The following GPC6 variants were observed in gnomAD, a reference collection of about 807,000 sequenced individuals.
GPC6 encodes the protein glypican-6.
A neutral mutation model predicts 55.2 loss-of-function variants in GPC6; 14 were observed. The ratio of observed to expected loss-of-function variants is 0.25; its 90% confidence interval spans 0.17 to 0.40. The LOEUF (loss-of-function observed/expected upper bound fraction) is 0.40. Among genes scored for constraint, GPC6 ranks in the 10% least tolerant of loss-of-function variants. The pLI is 1.00. For synonymous variants in GPC6, 278 were observed against 259.6 expected, an observed-to-expected ratio of 1.07 and a Z score of -0.68; for missense variants, 641 against 708.5, an observed-to-expected ratio of 0.90 and a Z score of 1.08.
At chr13:93,344,406 A>G (rs1880364674) in intron 1 of GPC6, among the ~76,000 whole-genome samples, 2 of 152,080 alleles carry the variant, frequency 1.3e-5, no homozygotes, top group South Asian at 4.1e-4. Context: ...ATTCTCCAAA[A>G]CCTGTCAGTG....
chr13:94,228,259 A>T (rs1468449747), intron 4 of GPC6, among the ~76,000 whole-genome samples: 1 of 152,076 alleles, frequency 6.6e-6, no homozygotes, highest in East Asian at 1.9e-4. Context: ...CGGTCCTCTG[A>T]CACCACTGAA....
intron 1 of GPC6, among the ~76,000 whole-genome samples, chr13:93,394,266 G>A (rs527278115): frequency 5.9e-5 from 9 of 152,222 alleles, no homozygotes; most frequent in East Asian, 1.9e-4. Context: ...TTACTTGCAC[G>A]CCTTCCACAT....
At chr13:94,064,864 A>G (rs1884461196) in intron 4 of GPC6, among the ~76,000 whole-genome samples, 1 of 152,102 alleles carries the variant, frequency 6.6e-6, no homozygotes, top group African/African-American at 2.4e-5. Flanking sequence ...AAACCTCCCA[A>G]GTACTCTTGG....
At chr13:93,875,368 T>G (rs1235045113) in intron 3 of GPC6, among the ~76,000 whole-genome samples, 1 of 152,078 alleles carries the variant, frequency 6.6e-6, no homozygotes, top group African/African-American at 2.4e-5. Flanking sequence ...GCAATTAGGT[T>G]TGATGATAAC....
intron 1 of GPC6, among the ~76,000 whole-genome samples, chr13:93,498,694 G>GT (rs1880402770): frequency 6.6e-6 from 1 of 152,156 alleles, no homozygotes; most frequent in Admixed American, 6.5e-5. Context: ...ACGTGGAACT[G>GT]TAAGTTCAAC....
intron 3 of GPC6, among the ~76,000 whole-genome samples, chr13:93,873,590 A>T: frequency 6.6e-6 from 1 of 151,916 alleles, no homozygotes; most frequent in East Asian, 2.0e-4. Flanking sequence ...GACAGCCCCT[A>T]TGACAAATAA....
At chr13:93,636,734 C>T (rs1157457294) in intron 2 of GPC6, among the ~76,000 whole-genome samples, 1 of 152,168 alleles carries the variant, frequency 6.6e-6, no homozygotes, top group Non-Finnish European at 1.5e-5. Context: ...TAACTCAGGG[C>T]AGTCCACCAG....
chr13:93,516,630 G>C (rs1327246170), intron 1 of GPC6, among the ~76,000 whole-genome samples: 1 of 152,110 alleles, frequency 6.6e-6, no homozygotes. Flanking sequence ...AGTAGGAAAA[G>C]AAGAAACCCT....
intron 4 of GPC6, among the ~76,000 whole-genome samples, chr13:94,224,266 TATATATA>T (rs1890479332): frequency 6.8e-6 from 1 of 146,474 alleles, no homozygotes; most frequent in African/African-American, 2.5e-5. Context: ...AATATATATA[TATATATA>T]TATATATATA....
At chr13:93,396,558 A>G (rs1875866950) in intron 1 of GPC6, among the ~76,000 whole-genome samples, 2 of 151,316 alleles carry the variant, frequency 1.3e-5, no homozygotes, top group South Asian at 4.2e-4. Context: ...ACAGAGCAAG[A>G]CTCCATCTCA....
chr13:93,753,923 A>C (rs1183065611), intron 2 of GPC6, among the ~76,000 whole-genome samples: 1 of 152,122 alleles, frequency 6.6e-6, no homozygotes, highest in African/African-American at 2.4e-5. Context: ...CTGGGACCAC[A>C]GATGTGAGCC....
rs1384089765 is a variant in GPC6, at chr13:93,789,505, C to CTATATATA, written c.320-40648_320-40647insATATATAT. The stretch of plus-strand genomic sequence containing the variant: ...GAACTCTCTCTCTCTCTCTCTCTCT[C>CTATATATA]TCTCTATATATATATATATATATAT... On this transcript the variant is annotated intron_variant, in intron 2 of 8. Coordinates refer to ENST00000377047, the MANE Select transcript of GPC6 (RefSeq NM_005708.5). 6.2e-5 allele frequency among the ~76,000 whole-genome samples: 5 copies of CTATATATA among 80,270 alleles called. No homozygotes were observed. In the East Asian group the frequency reaches 1.2e-3, roughly 20 times the overall value. 52.7% of individuals were successfully genotyped at this position (80,270 alleles called of 152,430 possible). A position where few individuals can be genotyped will look rare whatever the true frequency, so the allele number is the denominator to read the frequency against.
intron 2 of GPC6, among the ~76,000 whole-genome samples, chr13:93,713,590 T>C (rs749622830): frequency 5.3e-5 from 8 of 151,726 alleles, no homozygotes; most frequent in Non-Finnish European, 1.2e-4. Flanking sequence ...AACCTTGAAC[T>C]ACTTTCTTCT....
At chr13:93,576,537 A>G (rs1013420249) in intron 2 of GPC6, among the ~76,000 whole-genome samples, 1 of 152,116 alleles carries the variant, frequency 6.6e-6, no homozygotes, top group Admixed American at 6.6e-5. Flanking sequence ...TTTTATGCAT[A>G]AAATGGAAAG....
intron 1 of GPC6, among the ~76,000 whole-genome samples, chr13:93,410,341 T>C (rs1041454702): frequency 6.6e-6 from 1 of 152,192 alleles, no homozygotes; most frequent in Non-Finnish European, 1.5e-5. Flanking sequence ...TATTCATTTA[T>C]CATTATTTAA....
At chr13:93,324,979 C>G (rs1879604722) in intron 1 of GPC6, among the ~76,000 whole-genome samples, 1 of 152,010 alleles carries the variant, frequency 6.6e-6, no homozygotes, top group South Asian at 2.1e-4. Flanking sequence ...ACCTACCCCT[C>G]TAATGTATTT....
At chr13:93,810,778 A>G (rs1274361892) in intron 2 of GPC6, among the ~76,000 whole-genome samples, 1 of 152,230 alleles carries the variant, frequency 6.6e-6, no homozygotes, top group Non-Finnish European at 1.5e-5. Flanking sequence ...TCTGCAAAAT[A>G]TCACAGCAGG....
intron 1 of GPC6, among the ~76,000 whole-genome samples, chr13:93,454,786 G>A (rs1335727653): frequency 2.0e-5 from 3 of 152,254 alleles, no homozygotes; most frequent in Admixed American, 1.3e-4. Context: ...CCCTGCGCCT[G>A]CACTCCTCGG....
chr13:94,276,016 T>G (rs552597492), intron 4 of GPC6, among the ~76,000 whole-genome samples: 1 of 152,308 alleles, frequency 6.6e-6, no homozygotes, highest in South Asian at 2.1e-4. Context: ...ATGAAGAGAA[T>G]TTTTGCAAAA....
Sources: allele counts gnomAD v4.1 joint callset (sites outside exome capture counted in the v4.1 genomes callset), GRCh38; gene constraint gnomAD v4.1.1; transcripts MANE v1.5; gene names NCBI Gene and HGNC (gene_info 2026-07-23, HGNC 2026-07-21).